The following RMDN2 variants were observed in gnomAD, a reference collection of about 807,000 sequenced individuals.
The protein encoded by RMDN2 is regulator of microtubule dynamics 2, also known as regulator of microtubule dynamics protein 2.
A neutral mutation model predicts 52.8 loss-of-function variants in RMDN2; 61 were observed. The observed-to-expected ratio is 1.16, with a 90% CI of 0.94 to 1.43. The LOEUF is 1.43. Ranked by LOEUF, RMDN2 falls within the 40% of genes most tolerant of loss-of-function variation. The pLI is 0.00. For missense variants in RMDN2, 592 were observed against 475.3 expected, an observed-to-expected ratio of 1.25 and a Z score of -2.28; for synonymous variants, 180 against 153.1, an observed-to-expected ratio of 1.18 and a Z score of -1.30.
chr2:38,020,777 C>G (rs1345392580), downstream of RMDN2, among the ~76,000 whole-genome samples: 2 of 152,192 alleles, frequency 1.3e-5, no homozygotes, highest in Admixed American at 6.5e-5. Flanking sequence ...TGCAGCCCCC[C>G]ATGCCTGAAC....
chr2:37,930,563 G>A (rs1282119939), intron 2 of RMDN2, among the ~76,000 whole-genome samples: 2 of 152,316 alleles, frequency 1.3e-5, no homozygotes, highest in Admixed American at 6.5e-5. Flanking sequence ...GCGCAGGTGG[G>A]ACAGGCAAGA....
intron 2 of RMDN2, among the ~76,000 whole-genome samples, chr2:37,930,894 A>C (rs1666680660): frequency 6.6e-6 from 1 of 152,184 alleles, no homozygotes; most frequent in Non-Finnish European, 1.5e-5. Context: ...TGACATGAGG[A>C]CAAAGGGGCA....
chr2:38,014,854 G>C (rs984269889), intron 10 of RMDN2, among the ~76,000 whole-genome samples: 2 of 152,216 alleles, frequency 1.3e-5, no homozygotes, highest in African/African-American at 4.8e-5. Flanking sequence ...TAGTGGGAAA[G>C]GCAGGCACTG....
At chr2:37,968,150 A>T (rs980221029) in intron 2 of RMDN2, among the ~76,000 whole-genome samples, 2 of 152,082 alleles carry the variant, frequency 1.3e-5, no homozygotes, top group African/African-American at 2.4e-5. Flanking sequence ...GCTAGGTGCA[A>T]TGGGTCAAGG....
intron 3 of RMDN2, among the ~76,000 whole-genome samples, chr2:37,974,427 T>G (rs571156358): frequency 6.6e-6 from 1 of 151,600 alleles, no homozygotes; most frequent in African/African-American, 2.4e-5. Flanking sequence ...TTTATTAGAC[T>G]CTAAGGTCAT....
chr2:37,989,314 C>T (rs927674418), intron 5 of RMDN2, among the ~76,000 whole-genome samples: 28 of 152,124 alleles, frequency 1.8e-4, no homozygotes, highest in African/African-American at 6.3e-4. Flanking sequence ...TTATTTTACC[C>T]TCACAGTATA....
chr2:37,966,631 C>A (rs1217622352), intron 2 of RMDN2, among the ~76,000 whole-genome samples: 1 of 151,766 alleles, frequency 6.6e-6, no homozygotes, highest in African/African-American at 2.4e-5. Flanking sequence ...TTCCTCAGAA[C>A]CAATATTTTC....
intron 2 of RMDN2, among the ~76,000 whole-genome samples, chr2:37,934,315 G>C (rs537427866): frequency 6.6e-6 from 1 of 152,298 alleles, no homozygotes; most frequent in Admixed American, 6.5e-5. Context: ...CTTGTATTCT[G>C]TCTCTTAGTA....
chr2:38,054,821 C>G (rs911687923), intron 10 of RMDN2, among the ~76,000 whole-genome samples: 1 of 152,174 alleles, frequency 6.6e-6, no homozygotes, highest in Admixed American at 6.5e-5. Context: ...CACTACTGGA[C>G]CATCCCTCTT....
At chr2:37,998,831 A>C (rs1675929461) in intron 8 of RMDN2, among the ~76,000 whole-genome samples, 1 of 152,180 alleles carries the variant, frequency 6.6e-6, no homozygotes, top group African/African-American at 2.4e-5. Context: ...CAGGAACTTA[A>C]TTTGTTGCAT....
intron 2 of RMDN2, among the ~76,000 whole-genome samples, chr2:37,964,071 G>C (rs913395798): frequency 1.3e-5 from 2 of 151,846 alleles, no homozygotes; most frequent in South Asian, 4.2e-4. Flanking sequence ...GGCGGCTGCC[G>C]GGCGGAGGCG....
At chr2:38,059,864 G>GT (rs973163928) in intron 10 of RMDN2, among the ~76,000 whole-genome samples, 2 of 151,894 alleles carry the variant, frequency 1.3e-5, no homozygotes, top group Non-Finnish European at 1.5e-5. Flanking sequence ...TGTGTGTGTG[G>GT]TTTTTTGTTG....
chr2:37,925,763 A>G (rs1019430912), intron 1 of RMDN2, among the ~76,000 whole-genome samples: 15 of 151,140 alleles, frequency 9.9e-5, no homozygotes, highest in African/African-American at 3.4e-4. Context: ...GCAAACCCCA[A>G]AGAATTTCAA....
At chr2:37,982,277 C>T (rs1261218591) in intron 5 of RMDN2, among the ~76,000 whole-genome samples, 1 of 152,164 alleles carries the variant, frequency 6.6e-6, no homozygotes, top group Non-Finnish European at 1.5e-5. Flanking sequence ...TTTCACTCTG[C>T]CACCAGCAGG....
chr2:37,969,325 T>G (rs1036892569), intron 2 of RMDN2, among the ~76,000 whole-genome samples: 6 of 151,954 alleles, frequency 3.9e-5, no homozygotes, highest in African/African-American at 1.4e-4. Context: ...TTGTTTTAAT[T>G]AAATTTTCGT....
At chr2:37,951,947 T>A (rs202163735) in intron 2 of RMDN2, 64 of 1,613,426 alleles carry the variant, frequency 4.0e-5, no homozygotes, top group Non-Finnish European at 5.4e-5. Flanking sequence ...TATGTAAAGA[T>A]TTAAAAGATT....
chr2:37,968,438 CAAAAA>C (rs71400332), intron 2 of RMDN2, among the ~76,000 whole-genome samples: 2 of 89,154 alleles, frequency 2.2e-5, no homozygotes, highest in African/African-American at 4.2e-5. Context: ...GACTCTGTCT[CAAAAA>C]AAAAAAAAAA....
chr2:37,972,842 G>GT (rs1220136417), intron 2 of RMDN2, among the ~76,000 whole-genome samples: 2 of 152,178 alleles, frequency 1.3e-5, no homozygotes, highest in Non-Finnish European at 2.9e-5. Flanking sequence ...ATGATTCCAA[G>GT]TTTTTTGGTT....
At chr2:37,977,517 T>TTCCC (rs1672663794) in intron 4 of RMDN2, among the ~76,000 whole-genome samples, 1 of 150,308 alleles carries the variant, frequency 6.7e-6, no homozygotes, top group African/African-American at 2.5e-5. Context: ...CGCGCCTCAC[T>TTCCC]TCCCGGATGG....
Sources: gnomAD v4.1 joint callset for allele counts (sites outside exome capture counted in the v4.1 genomes callset) on GRCh38, gnomAD v4.1.1 for gene constraint, MANE v1.5 for transcripts, NCBI Gene and HGNC (gene_info 2026-07-23, HGNC 2026-07-21) for gene names.